FMN1: variants seen among roughly 807,000 people sequenced by gnomAD.
FMN1 encodes formin 1, also known as formin-1.
FMN1 carries 110 observed loss-of-function variants against 132.4 expected under a neutral mutation model. That is an observed-to-expected ratio of 0.83 (90% CI 0.71 to 0.97). The LOEUF is 0.97. FMN1 is among the 50% of genes least tolerant of loss of function. The pLI is 0.00. For synonymous variants in FMN1, 722 were observed against 651.7 expected (o/e 1.11, Z -1.64); for missense variants, 1,792 against 1,705.3 (o/e 1.05, Z -0.90).
At chr15:32,918,831 C>A (rs1278279352) in intron 10 of FMN1, among the ~76,000 whole-genome samples, 1 of 152,122 alleles carries the variant, frequency 6.6e-6, no homozygotes, top group Non-Finnish European at 1.5e-5. Context: ...CAAAGAAATG[C>A]CACCCTCTGC....
intron 9 of FMN1, among the ~76,000 whole-genome samples, chr15:32,951,191 C>T (rs2061644984): frequency 6.6e-6 from 1 of 152,052 alleles, no homozygotes; most frequent in African/African-American, 2.4e-5. Flanking sequence ...TCATGCTCTC[C>T]AAAGATTTAA....
At chr15:33,019,471 C>T (rs1405388488) in intron 6 of FMN1, among the ~76,000 whole-genome samples, 1 of 152,226 alleles carries the variant, frequency 6.6e-6, no homozygotes, top group Non-Finnish European at 1.5e-5. Flanking sequence ...CCTGCCAGTC[C>T]CACGCCGTGC....
In FMN1 at chr15:32,969,159, T is replaced by C. The variant is rs2031547999; in HGVS notation, c.2542A>G (p.Lys848Glu). The C allele has an allele frequency of 6.2e-7, 1 of 1,613,906 alleles. No homozygotes were observed. The change falls in exon 8 of 21, where the codon AAA becomes GAA. Residue 848 changes from lysine (K) to glutamate (E), a missense_variant. Transcript: ENST00000616417. ...GGCTGGAGTGCTGCATGGATGTCTT[T>C]GTGGTCATTTGGGGGTGAGAGCTGG... The part of the protein sequence containing the change: ...LSQLSPPNDH[K>E]DIHAALQPME...
intron 4 of FMN1, among the ~76,000 whole-genome samples, chr15:33,109,765 T>C (rs1485968243): frequency 6.6e-6 from 1 of 151,424 alleles, no homozygotes; most frequent in Admixed American, 6.6e-5. Context: ...TGAAATAATA[T>C]GTACAACAAC....
chr15:32,947,295 TACC>T (rs780330875), intron 9 of FMN1, among the ~76,000 whole-genome samples: 2 of 152,146 alleles, frequency 1.3e-5, no homozygotes, highest in Non-Finnish European at 2.9e-5. Context: ...TGATCTGAGA[TACC>T]ACATTTGTCA....
At chr15:32,863,572 C>A (rs2059325889) in intron 16 of FMN1, among the ~76,000 whole-genome samples, 1 of 152,324 alleles carries the variant, frequency 6.6e-6, no homozygotes, top group Non-Finnish European at 1.5e-5. Context: ...TCTCTGCCCT[C>A]AGACATTATA....
At chr15:33,183,421 A>T (rs1489692671) in intron 2 of FMN1, among the ~76,000 whole-genome samples, 1 of 152,226 alleles carries the variant, frequency 6.6e-6, no homozygotes, top group Non-Finnish European at 1.5e-5. Context: ...AATGTCTCTC[A>T]TGGAGCTAAC....
rs201126954 is a variant in FMN1, at chr15:32,848,982, T to TC, written c.3928+8032_3928+8033insG. ...TCTTGGGTTAGTTCTCTTTTGTTTT[T>TC]TTTTTTTTTTTTTTTTTCAGAGACA... On this transcript the variant is annotated intron_variant, in intron 17 of 20. Coordinates refer to ENST00000616417, the MANE Select transcript of FMN1 (RefSeq NM_001277313.2). Among the ~76,000 whole-genome samples the TC allele has an allele frequency of 1.8e-3, 201 of 114,564 alleles. 1 individual carries two copies. The highest frequency in any genetic ancestry group is 0.012 in the Middle Eastern group (3 of 260). 75.2% of individuals were successfully genotyped at this position (114,564 alleles called of 152,430 possible).
chr15:33,111,658 A>G (rs181426512), intron 4 of FMN1, among the ~76,000 whole-genome samples: 1 of 152,304 alleles, frequency 6.6e-6, no homozygotes, highest in Admixed American at 6.5e-5. Context: ...AAAAATCTCA[A>G]AAACATGCTA....
At chr15:32,896,774 C>G (rs892599250) in intron 15 of FMN1, among the ~76,000 whole-genome samples, 14 of 152,114 alleles carry the variant, frequency 9.2e-5, no homozygotes, top group Admixed American at 5.2e-4. Flanking sequence ...ATAATATTCC[C>G]TAGTACATAT....
intron 19 of FMN1, among the ~76,000 whole-genome samples, chr15:32,784,582 A>G (rs1019074088): frequency 1.3e-5 from 2 of 152,194 alleles, no homozygotes; most frequent in African/African-American, 4.8e-5. Context: ...CATAACCACA[A>G]GATTTCAGAT....
chr15:32,798,920 C>T lies in FMN1; in HGVS notation c.4014G>A (p.Lys1338=). ...FETTVRYFGM[K]PKSGEKEITP... ...TGATCTCCTTCTCACCAGACTTTGG[C>T]TTCATCCCAAAATATCGTACTGTTG... The change falls in exon 19 of 21, where the codon AAG becomes AAA. Residue 1338 remains lysine (K), a synonymous_variant. Transcript: ENST00000616417. The T allele has an allele frequency of 6.2e-7, 1 of 1,613,722 alleles. No homozygotes were observed. The highest frequency in any genetic ancestry group is 8.5e-7 in the Non-Finnish European group (1 of 1,179,810).
In FMN1 at chr15:33,153,241, C is replaced by T; in HGVS notation, c.1674G>A (p.Lys558=). ...AGACGCACCCAGAGAAGACACGGCT[C>T]TTTCTACAAGGAGAGTCATTAAGAG... is the stretch of plus-strand genomic sequence containing the variant. The part of the protein sequence containing the change: ...EAALNDSPCR[K]SRVFSGCVSA... Residue 558 remains lysine (K), a synonymous_variant, in exon 4 of 21, where the codon AAG becomes AAA. Transcript: ENST00000616417. 1.3e-6 allele frequency: 2 copies of T among 1,536,132 alleles called. No individual in the cohort carries two copies. The highest frequency in any genetic ancestry group is 1.4e-5 in the African/African-American group (1 of 73,166).
chr15:32,878,340 A>C (rs189311113), intron 16 of FMN1, among the ~76,000 whole-genome samples: 1 of 152,226 alleles, frequency 6.6e-6, no homozygotes, highest in African/African-American at 2.4e-5. Flanking sequence ...ATTTGATTCC[A>C]AGAGGAATGA....
chr15:32,854,254 G>T (rs1229043950), intron 17 of FMN1, among the ~76,000 whole-genome samples: 1 of 152,068 alleles, frequency 6.6e-6, no homozygotes, highest in Non-Finnish European at 1.5e-5. Flanking sequence ...ATCTCAGTTT[G>T]GATTAGCCAC....
intron 17 of FMN1, among the ~76,000 whole-genome samples, chr15:32,821,916 C>T (rs924452371): frequency 1.3e-5 from 2 of 152,140 alleles, no homozygotes; most frequent in Admixed American, 6.5e-5. Flanking sequence ...TTTGATATCA[C>T]CTGCAATTTT....
intron 13 of FMN1, 52 bp from the exon 14 acceptor site, chr15:32,900,177 G>A (rs1483515206): frequency 1.9e-6 from 3 of 1,592,792 alleles, no homozygotes; most frequent in African/African-American, 1.3e-5. Context: ...ATGCACCCAT[G>A]TTCATTCAGT....
intron 16 of FMN1, among the ~76,000 whole-genome samples, chr15:32,880,356 C>A (rs775591200): frequency 6.6e-5 from 10 of 152,070 alleles, no homozygotes. Flanking sequence ...ACACTTGTTA[C>A]TAGTTGTATA....
intron 9 of FMN1, among the ~76,000 whole-genome samples, chr15:32,933,945 T>C (rs941738396): frequency 1.8e-4 from 27 of 152,330 alleles, no homozygotes; most frequent in Non-Finnish European, 3.5e-4. Context: ...ATTTTATGTC[T>C]TTTGACTGAG....
Sources: allele counts gnomAD v4.1 joint callset (sites outside exome capture counted in the v4.1 genomes callset), GRCh38; gene constraint gnomAD v4.1.1; transcripts MANE v1.5; gene names NCBI Gene and HGNC (gene_info 2026-07-23, HGNC 2026-07-21).